The following HTR1F variants were observed in gnomAD, a reference collection of about 807,000 sequenced individuals.
HTR1F encodes the protein 5-hydroxytryptamine receptor 1F.
Under a neutral mutation model 24.0 loss-of-function variants are expected in HTR1F, and 17 were observed. The ratio of observed to expected loss-of-function variants is 0.71; its 90% CI spans 0.48 to 1.06. The LOEUF (loss-of-function observed/expected upper bound fraction) is 1.06. HTR1F is among the 50% of genes least tolerant of loss of function. The pLI is 0.00. For missense variants in HTR1F, 391 were observed against 427.8 expected (o/e 0.91, Z 0.76); for synonymous variants, 186 against 156.8 (o/e 1.19, Z -1.39).
At chr3:87,911,343 T>G (rs1197610133) in intron 2 of HTR1F, among the ~76,000 whole-genome samples, 1 of 152,038 alleles carries the variant, frequency 6.6e-6, no homozygotes, top group Non-Finnish European at 1.5e-5. Flanking sequence ...AACACCTCTG[T>G]GCATACAATC....
intron 2 of HTR1F, among the ~76,000 whole-genome samples, chr3:87,874,836 A>G (rs1171860201): frequency 6.6e-6 from 1 of 152,180 alleles, no homozygotes; most frequent in Non-Finnish European, 1.5e-5. Flanking sequence ...GCCCAGAAGT[A>G]TATGGTTAAA....
At chr3:87,842,255 G>A (rs1196352873) in intron 2 of HTR1F, among the ~76,000 whole-genome samples, 11 of 151,496 alleles carry the variant, frequency 7.3e-5, no homozygotes, top group African/African-American at 2.4e-4. Flanking sequence ...TCCACCTCCC[G>A]GGTTTAAGCA....
At chr3:87,902,277 C>T (rs1706341266) in intron 2 of HTR1F, among the ~76,000 whole-genome samples, 6 of 152,008 alleles carry the variant, frequency 3.9e-5, no homozygotes, top group Admixed American at 3.9e-4. Flanking sequence ...GAAATAATCA[C>T]CTGATTTATA....
intron 2 of HTR1F, among the ~76,000 whole-genome samples, chr3:87,918,772 T>A (rs1703949685): frequency 6.6e-6 from 1 of 152,020 alleles, no homozygotes. Context: ...ATGAGTAGAA[T>A]CAATATTGTG....
intron 2 of HTR1F, among the ~76,000 whole-genome samples, chr3:87,920,505 A>G (rs555555574): frequency 2.6e-5 from 4 of 152,030 alleles, no homozygotes; most frequent in Admixed American, 6.6e-5. Flanking sequence ...CATGGCACCT[A>G]TATTTTTTAA....
At chr3:87,882,420 C>T (rs945776433) in intron 2 of HTR1F, among the ~76,000 whole-genome samples, 14 of 151,982 alleles carry the variant, frequency 9.2e-5, no homozygotes, top group African/African-American at 2.2e-4. Context: ...ATGTTTATTG[C>T]GGCACTATTC....
At chr3:87,824,476 G>A (rs967172216) in intron 2 of HTR1F, among the ~76,000 whole-genome samples, 2 of 152,112 alleles carry the variant, frequency 1.3e-5, no homozygotes, top group African/African-American at 4.8e-5. Context: ...CTATTTCTCT[G>A]TTAATTTATG....
chr3:87,970,388 C>A (rs1191203595), intron 2 of HTR1F, among the ~76,000 whole-genome samples: 2 of 152,160 alleles, frequency 1.3e-5, no homozygotes, highest in Non-Finnish European at 2.9e-5. Flanking sequence ...CTTAAAGTTC[C>A]TAAGTGATGC....
intron 2 of HTR1F, among the ~76,000 whole-genome samples, chr3:87,892,520 C>T (rs1373103417): frequency 6.6e-6 from 1 of 152,134 alleles, no homozygotes; most frequent in Non-Finnish European, 1.5e-5. Context: ...TTTTATATAA[C>T]TTCTCTGACC....
chr3:87,885,894 C>T (rs546485063), intron 2 of HTR1F, among the ~76,000 whole-genome samples: 2 of 152,102 alleles, frequency 1.3e-5, no homozygotes, highest in Non-Finnish European at 2.9e-5. Flanking sequence ...GATTCTCAGC[C>T]GAATTCTACC....
chr3:87,943,992 A>G lies in HTR1F; in HGVS notation c.-42-46716A>G, dbSNP rs144880019. ...TCATTTTCCGATGAGCATTAGTACTAGAGCCCCCTCTGTGGTCCTAATGCT... is the reference window on the plus strand; with the variant it reads ...TCATTTTCCGATGAGCATTAGTACTGGAGCCCCCTCTGTGGTCCTAATGCT... On this transcript the variant is annotated intron_variant, in intron 2 of 2. Transcript: ENST00000319595. Among the ~76,000 whole-genome samples the G allele has an allele frequency of 5.0e-3, 756 of 152,310 alleles. 5 individuals are homozygous for G. The highest frequency in any genetic ancestry group is 0.017 in the African/African-American group (700 of 41,564).
chr3:87,934,637 G>T (rs899867773), intron 2 of HTR1F, among the ~76,000 whole-genome samples: 3 of 152,102 alleles, frequency 2.0e-5, no homozygotes, highest in Non-Finnish European at 2.9e-5. Context: ...TGACTCCTTT[G>T]TTGATTTCTC....
intron 2 of HTR1F, among the ~76,000 whole-genome samples, chr3:87,944,766 TCTA>T (rs1559643621): frequency 6.6e-6 from 1 of 152,078 alleles, no homozygotes; most frequent in Non-Finnish European, 1.5e-5. Context: ...AAGTTACTTC[TCTA>T]CTTTCTTCTG....
chr3:87,793,729 C>T (rs772259767), intron 1 of HTR1F: 2 of 151,986 alleles, frequency 1.3e-5, no homozygotes, highest in Admixed American at 6.6e-5. Context: ...ACTGATGGGG[C>T]CCTGGATGAG....
At chr3:87,906,109 G>A (rs900302487) in intron 2 of HTR1F, among the ~76,000 whole-genome samples, 6 of 152,016 alleles carry the variant, frequency 3.9e-5, no homozygotes, top group African/African-American at 9.7e-5. Context: ...ACAATAAAAC[G>A]CTAAATTGTC....
At chr3:87,881,131 C>T (rs950520761) in intron 2 of HTR1F, among the ~76,000 whole-genome samples, 34 of 152,176 alleles carry the variant, frequency 2.2e-4, no homozygotes, top group Non-Finnish European at 3.1e-4. Flanking sequence ...GGGGCATTGC[C>T]TCACCTGGGA....
At chr3:87,936,326 G>C (rs1453171642) in intron 2 of HTR1F, among the ~76,000 whole-genome samples, 1 of 152,146 alleles carries the variant, frequency 6.6e-6, no homozygotes, top group Non-Finnish European at 1.5e-5. Context: ...AGGAAGTTAA[G>C]CAAAGATTTG....
chr3:87,844,668 C>T (rs371559310), intron 2 of HTR1F, among the ~76,000 whole-genome samples: 3 of 133,130 alleles, frequency 2.3e-5, no homozygotes, highest in African/African-American at 6.4e-5. Flanking sequence ...TTAGGTCTAA[C>T]GTTTAAGTCT....
intron 2 of HTR1F, among the ~76,000 whole-genome samples, chr3:87,977,561 G>A (rs1001469213): frequency 2.0e-5 from 3 of 150,838 alleles, no homozygotes; most frequent in African/African-American, 7.3e-5. Context: ...AGCACGCCCA[G>A]CTAATTTTTT....
Sources: allele counts gnomAD v4.1 joint callset (sites outside exome capture counted in the v4.1 genomes callset), GRCh38; gene constraint gnomAD v4.1.1; transcripts MANE v1.5; gene names NCBI Gene and HGNC (gene_info 2026-07-23, HGNC 2026-07-21).